The following FSTL5 variants were observed in gnomAD, a reference collection of about 807,000 sequenced individuals.
FSTL5 encodes the protein follistatin-related protein 5.
In FSTL5, 62 loss-of-function variants were observed where a neutral mutation model predicts 89.1. The observed-to-expected ratio is 0.70, with a 90% CI of 0.57 to 0.86. The LOEUF (loss-of-function observed/expected upper bound fraction) is 0.86, where lower values mean the gene tolerates loss of function less well. Ranked by LOEUF, FSTL5 falls within the 40% of genes least tolerant of loss-of-function variation. The pLI is 0.00. For synonymous variants in FSTL5, 383 were observed against 346.2 expected (o/e 1.11, Z -1.18); for missense variants, 1,057 against 1,001.6 (o/e 1.06, Z -0.75).
At chr4:161,893,816 T>G (rs939021729) in intron 4 of FSTL5, among the ~76,000 whole-genome samples, 12 of 152,192 alleles carry the variant, frequency 7.9e-5, no homozygotes, top group African/African-American at 2.7e-4. Context: ...TTCTCTAAAT[T>G]GACATCAGCA....
intron 13 of FSTL5, among the ~76,000 whole-genome samples, chr4:161,477,657 AT>A (rs2126447467): frequency 6.6e-6 from 1 of 150,994 alleles, no homozygotes; most frequent in Non-Finnish European, 1.5e-5. Context: ...AACTTATTTA[AT>A]CATCCTCCTC....
rs200488047 is a variant in FSTL5, at chr4:161,672,825, AT to A, written c.728-16332del. Reference sequence around the variant, plus strand: ...CTACAATTGTTGCCATACAGTGATCATTTTATATCACTTATAAAGCCAGGAA... The same window carrying A: ...CTACAATTGTTGCCATACAGTGATCATTTATATCACTTATAAAGCCAGGAA... On this transcript the variant is annotated intron_variant, in intron 6 of 15. Coordinates refer to ENST00000306100, the MANE Select transcript of FSTL5 (RefSeq NM_020116.5). Among the ~76,000 whole-genome samples the A allele has an allele frequency of 5.9e-3, 904 of 151,954 alleles. 9 individuals carry two copies. Among genetic ancestry groups the A allele is most frequent in the South Asian group, 0.043 (207 of 4,778 alleles).
intron 4 of FSTL5, among the ~76,000 whole-genome samples, chr4:161,826,838 C>T (rs113156689): frequency 3.5e-4 from 53 of 152,232 alleles, no homozygotes; most frequent in Non-Finnish European, 6.5e-4. Context: ...AATTCTTATC[C>T]ATTCTGCCAT....
At position 161,824,291 on chromosome 4, in the gene FSTL5, T is replaced by C. The variant is rs190510131; in HGVS notation, c.410-48217A>G. The stretch of plus-strand genomic sequence containing the variant: ...GGTTTCCTTTCCCCATTTTATGCTT[T>C]TGTTGGCTTTGTTGAAGGTCAGTTG... On this transcript the variant is annotated intron_variant, in intron 4 of 15. Coordinates refer to ENST00000306100, the MANE Select transcript of FSTL5 (RefSeq NM_020116.5). 1.3e-4 allele frequency among the ~76,000 whole-genome samples: 20 copies of C among 152,306 alleles called. No homozygotes were observed. In the East Asian group the frequency reaches 2.7e-3, roughly 21 times the overall value.
chr4:161,432,415 T>C (rs902172001), intron 15 of FSTL5, among the ~76,000 whole-genome samples: 4 of 151,954 alleles, frequency 2.6e-5, no homozygotes, highest in African/African-American at 9.7e-5. Flanking sequence ...CAAATGATAA[T>C]GAAAACACAA....
chr4:161,472,794 G>A (rs534303195), intron 13 of FSTL5, among the ~76,000 whole-genome samples: 1 of 151,142 alleles, frequency 6.6e-6, no homozygotes, highest in Non-Finnish European at 1.5e-5. Flanking sequence ...GCATGATCTC[G>A]GCTCACTGCA....
At chr4:161,617,458 A>C (rs1469579438) in intron 7 of FSTL5, among the ~76,000 whole-genome samples, 2 of 152,210 alleles carry the variant, frequency 1.3e-5, no homozygotes, top group Non-Finnish European at 2.9e-5. Flanking sequence ...AAATAGAGAT[A>C]GAAAAATCAT....
chr4:161,730,038 T>C (rs1344180550), intron 6 of FSTL5, among the ~76,000 whole-genome samples: 1 of 152,222 alleles, frequency 6.6e-6, no homozygotes, highest in Admixed American at 6.5e-5. Context: ...TAGAGCGTTC[T>C]AAATAGCATT....
chr4:161,464,248 T>C (rs755527864), intron 13 of FSTL5, among the ~76,000 whole-genome samples: 3 of 152,200 alleles, frequency 2.0e-5, no homozygotes, highest in Non-Finnish European at 2.9e-5. Flanking sequence ...TTGATGTCTC[T>C]GATACAGAAT....
At position 161,823,652 on chromosome 4, in the gene FSTL5, C is replaced by G. The variant is rs888193892; in HGVS notation, c.410-47578G>C. The stretch of plus-strand genomic sequence containing the variant: ...GTGTGGCTGCAACTGTGCTGAGGAT[C>G]ATGGGGTTCCTGCCCTGCAAACTTG... On this transcript the variant is annotated intron_variant, in intron 4 of 15. Coordinates refer to ENST00000306100, the MANE Select transcript of FSTL5 (RefSeq NM_020116.5). Among the ~76,000 whole-genome samples the G allele has an allele frequency of 6.6e-5, 10 of 152,262 alleles. 1 individual carries two copies. In the East Asian group the frequency reaches 1.6e-3, roughly 24 times the overall value.
chr4:161,537,487 C>T (rs1301580948), intron 10 of FSTL5, among the ~76,000 whole-genome samples: 11 of 152,120 alleles, frequency 7.2e-5, no homozygotes, highest in Admixed American at 5.2e-4. Flanking sequence ...CCAAACAATT[C>T]GGCTATCATA....
At chr4:161,950,454 G>A (rs1190879090) in intron 3 of FSTL5, among the ~76,000 whole-genome samples, 16 of 152,050 alleles carry the variant, frequency 1.1e-4, no homozygotes, top group Non-Finnish European at 1.0e-4. Flanking sequence ...AATTCCTCTC[G>A]ACCTTCCCAT....
At chr4:161,577,785 G>T (rs192840960) in intron 8 of FSTL5, among the ~76,000 whole-genome samples, 1 of 152,150 alleles carries the variant, frequency 6.6e-6, no homozygotes, top group Non-Finnish European at 1.5e-5. Context: ...TACAATCAGG[G>T]AGCTTACATT....
intron 1 of FSTL5, among the ~76,000 whole-genome samples, chr4:162,138,539 C>T (rs1425564123): frequency 2.0e-5 from 3 of 152,056 alleles, no homozygotes; most frequent in Admixed American, 2.0e-4. Context: ...TCAAGACTCT[C>T]ATACTTACTG....
intron 13 of FSTL5, among the ~76,000 whole-genome samples, chr4:161,461,259 A>G (rs1733562497): frequency 6.9e-6 from 1 of 144,024 alleles, no homozygotes; most frequent in African/African-American, 2.6e-5. Context: ...GATAGATACC[A>G]CGGCGAAACC....
At chr4:161,774,773 T>C (rs1741346707) in intron 5 of FSTL5, among the ~76,000 whole-genome samples, 1 of 100,574 alleles carries the variant, frequency 9.9e-6, no homozygotes, top group Non-Finnish European at 1.7e-5. Context: ...AACTAGTTAT[T>C]TATTCTTATT....
rs543994270 is a variant in FSTL5 at position 161,528,900 on chromosome 4, C to A, written c.1312+9266G>T. On this transcript the variant is annotated intron_variant, in intron 10 of 15. Coordinates refer to ENST00000306100, the MANE Select transcript of FSTL5 (RefSeq NM_020116.5). ...TTCAATAGAGACTGTATACTCAGCA[C>A]TGTCACTATATGTTAAGTGTATTCA... 2.1e-5 allele frequency among the ~76,000 whole-genome samples: 3 copies of A among 143,014 alleles called. 1 individual carries two copies. Among genetic ancestry groups the A allele is most frequent in the Non-Finnish European group, 4.6e-5 (3 of 65,164 alleles). The allele number at this position is 143,014 out of a possible 152,430, so 93.8% of individuals were successfully genotyped here.
rs188086363 is a variant in FSTL5 at position 162,038,541 on chromosome 4, C to T, written c.127-4883G>A. Among the ~76,000 whole-genome samples the T allele has an allele frequency of 1.0e-3, 156 of 151,980 alleles. 1 individual carries two copies. The highest frequency in any genetic ancestry group is 3.3e-3 in the African/African-American group (137 of 41,540). ...TTGTACAAATGAGCTGTAAGTGGTT[C>T]TGAAGCATCTAAACAAACTGGAGTT... is the stretch of plus-strand genomic sequence containing the variant. On this transcript the variant is annotated intron_variant, in intron 2 of 15. Transcript: ENST00000306100.
intron 1 of FSTL5, among the ~76,000 whole-genome samples, chr4:162,158,418 A>G (rs1043626092): frequency 6.6e-6 from 1 of 152,138 alleles, no homozygotes; most frequent in Non-Finnish European, 1.5e-5. Flanking sequence ...AAGTGTGTAT[A>G]CTAAAGAATA....
Sources: allele counts gnomAD v4.1 joint callset (sites outside exome capture counted in the v4.1 genomes callset), GRCh38; gene constraint gnomAD v4.1.1; transcripts MANE v1.5; gene names NCBI Gene and HGNC (gene_info 2026-07-23, HGNC 2026-07-21).